The following PAX5 variants were observed in gnomAD, a reference collection of about 807,000 sequenced individuals.
PAX5 encodes the protein paired box protein Pax-5.
In PAX5, 9 loss-of-function variants were observed where a neutral mutation model predicts 43.7. The ratio of observed to expected loss-of-function variants is 0.21; its 90% CI spans 0.12 to 0.36. PAX5 has a LOEUF of 0.36. Among genes scored for constraint, PAX5 ranks in the 10% least tolerant of loss-of-function variants. PAX5 has a pLI of 1.00. For synonymous variants in PAX5, 228 were observed against 214.3 expected, an observed-to-expected ratio of 1.06 and a Z score of -0.56; for missense variants, 383 against 532.7, an observed-to-expected ratio of 0.72 and a Z score of 2.77.
At chr9:36,851,193 AC>A (rs1207512580) in intron 8 of PAX5, among the ~76,000 whole-genome samples, 1 of 152,166 alleles carries the variant, frequency 6.6e-6, no homozygotes, top group Non-Finnish European at 1.5e-5. Flanking sequence ...GAACAAAACT[AC>A]CTTTTCCCCA....
chr9:36,905,438 G>C (rs1344041821), intron 7 of PAX5, among the ~76,000 whole-genome samples: 2 of 152,214 alleles, frequency 1.3e-5, no homozygotes, highest in Non-Finnish European at 2.9e-5. Flanking sequence ...AAGTTACCAG[G>C]AGTTATGGCA....
At chr9:36,852,678 G>T (rs565724090) in intron 8 of PAX5, among the ~76,000 whole-genome samples, 1 of 152,214 alleles carries the variant, frequency 6.6e-6, no homozygotes, top group Non-Finnish European at 1.5e-5. Context: ...CCGGCATTCT[G>T]CCTAACCCCG....
At position 36,840,472 on chromosome 9, in the gene PAX5, T is replaced by C. The variant is rs1264567741; in HGVS notation, c.*88A>G. ...TGGGGGATGCTGGGGGACGGTCTCA[T>C]GGGCTCTCTGGCTATCTTCAGGAGG... On this transcript the variant is annotated 3_prime_UTR_variant, in exon 10 of 10. Transcript: ENST00000358127. 4 of 1,305,560 alleles carry C rather than the reference T, an allele frequency of 3.1e-6. No homozygotes were observed. In the African/African-American group the frequency reaches 4.3e-5, roughly 14 times the overall value. 80.9% of individuals were successfully genotyped at this position (1,305,560 alleles called of 1,614,324 possible).
At chr9:36,986,911 T>C (rs574381489) in intron 5 of PAX5, among the ~76,000 whole-genome samples, 78 of 152,282 alleles carry the variant, frequency 5.1e-4, no homozygotes, top group African/African-American at 1.6e-3. Context: ...TCGAAGGAGA[T>C]GGTGGCCGGG....
At chr9:36,906,562 A>C (rs1421814834) in intron 7 of PAX5, among the ~76,000 whole-genome samples, 1 of 152,190 alleles carries the variant, frequency 6.6e-6, no homozygotes, top group Non-Finnish European at 1.5e-5. Flanking sequence ...CTTTACAATA[A>C]TACATTTGCA....
At chr9:36,903,322 G>A (rs2131867442) in intron 7 of PAX5, among the ~76,000 whole-genome samples, 1 of 152,346 alleles carries the variant, frequency 6.6e-6, no homozygotes, top group Middle Eastern at 3.4e-3. Context: ...TTGAGCCCAG[G>A]AATTTGAGAC....
rs376589666 is a variant in PAX5, at chr9:37,008,204, C to T, written c.411-1667G>A. The stretch of plus-strand genomic sequence containing the variant: ...CCTCCCGAGTAGCTGGGACTACAGG[C>T]GCATGCCACTGCCTAATTTTTGTAT... On this transcript the variant is annotated intron_variant, in intron 3 of 9. Transcript: ENST00000358127. Among the ~76,000 whole-genome samples the T allele has an allele frequency of 2.7e-4, 41 of 152,274 alleles. No individual in the cohort carries two copies. The East Asian group carries it at 4.0e-3, about 15-fold the overall frequency.
chr9:36,866,828 C>T (rs564961379), intron 8 of PAX5, among the ~76,000 whole-genome samples: 15 of 152,166 alleles, frequency 9.9e-5, no homozygotes, highest in East Asian at 7.7e-4. Flanking sequence ...CAGTGATGGA[C>T]GGAAAAGCAG....
At chr9:36,980,485 C>T (rs1835819249) in intron 5 of PAX5, among the ~76,000 whole-genome samples, 1 of 152,186 alleles carries the variant, frequency 6.6e-6, no homozygotes, top group African/African-American at 2.4e-5. Context: ...TGCACTGCCT[C>T]CCAGACAAAA....
chr9:36,840,603 C>T lies in PAX5; in HGVS notation c.1133G>A (p.Gly378Glu), dbSNP rs1389803999. 2 of 1,581,100 alleles carry T rather than the reference C, an allele frequency of 1.3e-6. No individual in the cohort carries two copies. The highest frequency in any genetic ancestry group is 1.2e-5 in the South Asian group (1 of 86,196). ...AGTGGCGGCTGCAGGTGGGGCGGCTCCTCGGGCGGCAGCGCTATAATAGTA... is the reference window on the plus strand; with the variant it reads ...AGTGGCGGCTGCAGGTGGGGCGGCTTCTCGGGCGGCAGCGCTATAATAGTA... ...SPYYYSAAAR[G>E]AAPPAAATAY... Residue 378 changes from glycine to glutamate, a missense_variant, in exon 10 of 10, where the codon GGA (glycine) becomes GAA (glutamate). Physicochemically the swap from Gly to Glu is moderately conservative, Grantham distance 98. Transcript: ENST00000358127.
chr9:36,870,800 C>T (rs747592613), intron 8 of PAX5, among the ~76,000 whole-genome samples: 7 of 152,152 alleles, frequency 4.6e-5, no homozygotes, highest in African/African-American at 1.4e-4. Context: ...GAGGTAGAGA[C>T]GCACTCGTAA....
intron 5 of PAX5, among the ~76,000 whole-genome samples, chr9:36,973,135 A>AAAAGGAAAGGAAAGG (rs1197914196): frequency 4.0e-5 from 3 of 74,724 alleles, no homozygotes; most frequent in African/African-American, 1.3e-4. Context: ...GAAAGGAAAG[A>AAAAGGAAAGGAAAGG]AAAGGAAAGG....
At position 37,034,028 on chromosome 9, in the gene PAX5, C is replaced by G. The variant is rs1841280101; in HGVS notation, c.4G>C (p.Asp2His). 1.2e-6 allele frequency: 2 copies of G among 1,603,446 alleles called. No individual in the cohort carries two copies. The highest frequency in any genetic ancestry group is 1.1e-5 in the South Asian group (1 of 90,428). The change falls in exon 1 of 10, where the codon GAT becomes CAT. Residue 2 changes from aspartate to histidine, a missense_variant. Around this residue, in one of 5 missense-constraint regions of PAX5, gnomAD observed 54 missense variants for 68.6 expected, o/e 0.79. Transcript: ENST00000358127. The stretch of plus-strand genomic sequence containing the variant: ...GGAGTCGGATAATTTTTCTCTAAAT[C>G]CATTTTGATTTTTCAGGACTTGATG... M[D>H]LEKNYPTPRT... is the part of the protein sequence containing the mutation.
intron 7 of PAX5, among the ~76,000 whole-genome samples, chr9:36,894,994 A>T (rs559788960): frequency 1.3e-5 from 2 of 152,234 alleles, no homozygotes; most frequent in Admixed American, 6.5e-5. Flanking sequence ...GGGAACCCCA[A>T]CAGTCCTTCT....
intron 8 of PAX5, among the ~76,000 whole-genome samples, chr9:36,873,403 C>T (rs1041413081): frequency 6.6e-6 from 1 of 152,224 alleles, no homozygotes; most frequent in African/African-American, 2.4e-5. Flanking sequence ...TTCATCGTAG[C>T]TGTGTCTAGG....
chr9:36,963,111 C>G (rs1402997499), intron 6 of PAX5, among the ~76,000 whole-genome samples: 1 of 152,220 alleles, frequency 6.6e-6, no homozygotes, highest in Non-Finnish European at 1.5e-5. Flanking sequence ...AGGGCAGCCC[C>G]GTCTCCTCAC....
chr9:37,021,725 T>C (rs1458910550), intron 1 of PAX5, among the ~76,000 whole-genome samples: 1 of 152,174 alleles, frequency 6.6e-6, no homozygotes, highest in African/African-American at 2.4e-5. Context: ...AGGACTCAAG[T>C]AAATGAAGAG....
intron 6 of PAX5, among the ~76,000 whole-genome samples, chr9:36,959,802 C>T (rs1833799562): frequency 6.6e-6 from 1 of 152,240 alleles, no homozygotes; most frequent in Admixed American, 6.5e-5. Context: ...ACCCCAATGG[C>T]CACCAGCCTG....
intron 5 of PAX5, among the ~76,000 whole-genome samples, chr9:36,976,738 G>T (rs896580911): frequency 6.6e-6 from 1 of 152,154 alleles, no homozygotes; most frequent in Non-Finnish European, 1.5e-5. Flanking sequence ...TGCCAAATAC[G>T]TTCAGGTTTG....
Sources: allele counts gnomAD v4.1 joint callset (sites outside exome capture counted in the v4.1 genomes callset), GRCh38; gene constraint gnomAD v4.1.1; regional missense constraint gnomAD v4.1.1; transcripts MANE v1.5; gene names NCBI Gene and HGNC (gene_info 2026-07-23, HGNC 2026-07-21).